Variants in PRSS23 observed in about 807,000 individuals in gnomAD.
The protein encoded by PRSS23 is serine protease 23, also known as protease, serine 23.
PRSS23 carries 25 observed loss-of-function variants against 34.7 expected under a neutral mutation model. The observed-to-expected ratio is 0.72, with a 90% CI of 0.53 to 1.01. The LOEUF (loss-of-function observed/expected upper bound fraction) is 1.01. PRSS23 is among the 50% of genes least tolerant of loss of function. PRSS23 has a pLI of 0.00. For synonymous variants in PRSS23, 176 were observed against 186.6 expected (o/e 0.94, Z 0.46); for missense variants, 445 against 475.6 (o/e 0.94, Z 0.60).
rs1383970496 is a variant in PRSS23 at position 86,861,275 on chromosome 11, A to AC, written c.206+37688dup. 2.7e-5 allele frequency among the ~76,000 whole-genome samples: 4 copies of AC among 148,220 alleles called. No individual in the cohort carries two copies. The East Asian group carries it at 6.2e-4, about 23-fold the overall frequency. On this transcript the variant is annotated intron_variant, in intron 2 of 2. Coordinates refer to the PRSS23 transcript ENST00000533902. ...ACTCTCAATGTCGCGGGGGGTGTCC[A>AC]CCCCCCTGTGATATGGTTTGTAATA...
At chr11:86,898,614 G>C (rs1167416291) in intron 2 of PRSS23, among the ~76,000 whole-genome samples, 3 of 152,162 alleles carry the variant, frequency 2.0e-5, no homozygotes, top group African/African-American at 7.2e-5. Context: ...TCCTTCATGG[G>C]TCCCTGTCCT....
chr11:86,805,788 T>C (rs1334040723), intron 1 of PRSS23, among the ~76,000 whole-genome samples: 1 of 152,242 alleles, frequency 6.6e-6, no homozygotes, highest in African/African-American at 2.4e-5. Context: ...ATTGGGATTT[T>C]CTACTTTTAT....
At chr11:86,886,667 G>A (rs937979870) in intron 2 of PRSS23, among the ~76,000 whole-genome samples, 46 of 152,186 alleles carry the variant, frequency 3.0e-4, no homozygotes, top group African/African-American at 8.0e-4. Flanking sequence ...AGCCAGGTGC[G>A]GTGGCTCATG....
At chr11:86,906,454 G>C (rs184287334) in intron 2 of PRSS23, among the ~76,000 whole-genome samples, 1 of 152,350 alleles carries the variant, frequency 6.6e-6, no homozygotes, top group African/African-American at 2.4e-5. Flanking sequence ...GCGCACCTTA[G>C]GGGCTGGAGG....
intron 1 of PRSS23, among the ~76,000 whole-genome samples, chr11:86,817,187 A>G (rs1364279298): frequency 6.6e-6 from 1 of 151,950 alleles, no homozygotes; most frequent in Non-Finnish European, 1.5e-5. Flanking sequence ...TGTTTCCCTC[A>G]TGCTTTCTAT....
At chr11:86,900,736 G>A (rs1199740285) in intron 2 of PRSS23, among the ~76,000 whole-genome samples, 1 of 150,122 alleles carries the variant, frequency 6.7e-6, no homozygotes, top group African/African-American at 2.5e-5. Flanking sequence ...GACTCTGCCT[G>A]GCTAGTACCC....
chr11:86,924,857 C>T lies in PRSS23; in HGVS notation c.207-26359C>T, dbSNP rs569127750. ...ACAGCTTCCCTCCTACCCTCTGCCT[C>T]TTCACCCCTACCTAACCGGGGTCAG... On this transcript the variant is annotated intron_variant, in intron 2 of 2. Coordinates refer to the PRSS23 transcript ENST00000533902. 3 of 152,400 alleles carry T rather than the reference C, an allele frequency of 2.0e-5. No individual in the cohort carries two copies. The South Asian group carries it at 6.2e-4, about 32-fold the overall frequency. The allele number at this position is 152,400 out of a possible 1,614,324, so 9.4% of individuals were successfully genotyped here.
At chr11:86,903,481 CTTTTT>C (rs10688682) in intron 2 of PRSS23, among the ~76,000 whole-genome samples, 2 of 124,962 alleles carry the variant, frequency 1.6e-5, no homozygotes, top group African/African-American at 6.1e-5. Flanking sequence ...AACATACAAT[CTTTTT>C]TTTTTTTTTT....
At chr11:86,823,075 T>C (rs1479134575) in intron 1 of PRSS23, among the ~76,000 whole-genome samples, 1 of 152,170 alleles carries the variant, frequency 6.6e-6, no homozygotes, top group Non-Finnish European at 1.5e-5. Flanking sequence ...GCCTGAAGGT[T>C]TGGGAGGCCC....
intron 2 of PRSS23, among the ~76,000 whole-genome samples, chr11:86,891,725 C>G (rs910815542): frequency 6.6e-6 from 1 of 152,152 alleles, no homozygotes; most frequent in Non-Finnish European, 1.5e-5. Context: ...CCCCACGTTA[C>G]AAGGGACCAG....
rs921807207 is a variant in PRSS23 at position 86,810,051 on chromosome 11, A to C, written c.*1256A>C. On this transcript the variant is annotated 3_prime_UTR_variant, in exon 2 of 2. Transcript: ENST00000280258. ...GATAAACAATTAGGTATAATAGCAA[A>C]AATGAAAATTGGAAGAATGCAAAAT... The C allele has an allele frequency of 6.0e-6, 1 of 166,728 alleles. No homozygotes were observed. Among genetic ancestry groups the C allele is most frequent in the South Asian group, 2.1e-4 (1 of 4,836 alleles). 10.3% of individuals were successfully genotyped at this position (166,728 alleles called of 1,614,324 possible). A position where few individuals can be genotyped will look rare whatever the true frequency, so the allele number is the denominator to read the frequency against.
intron 2 of PRSS23, chr11:86,949,587 GAGAA>G (rs1328342568): frequency 6.6e-6 from 1 of 152,630 alleles, no homozygotes; most frequent in Non-Finnish European, 1.5e-5. Context: ...GGCAAGGTAA[GAGAA>G]AGGCCAGTTA....
At chr11:86,838,197 CAACA>C (rs1200581868) in intron 2 of PRSS23, among the ~76,000 whole-genome samples, 3 of 152,140 alleles carry the variant, frequency 2.0e-5, no homozygotes, top group African/African-American at 7.2e-5. Flanking sequence ...AAAACCATCA[CAACA>C]ATCAACCATC....
intron 2 of PRSS23, among the ~76,000 whole-genome samples, chr11:86,887,792 C>T (rs1366252412): frequency 6.6e-6 from 1 of 152,140 alleles, no homozygotes; most frequent in Non-Finnish European, 1.5e-5. Flanking sequence ...TGGCTCATGC[C>T]TGTAAACCCA....
At chr11:86,935,136 CAG>C (rs1949152936) in intron 2 of PRSS23, 1 of 152,270 alleles carries the variant, frequency 6.6e-6, no homozygotes, top group Non-Finnish European at 1.5e-5. Context: ...CTGAAACAAA[CAG>C]AGAGGACTCC....
intron 2 of PRSS23, among the ~76,000 whole-genome samples, chr11:86,875,312 A>G (rs1193695394): frequency 6.6e-6 from 1 of 152,186 alleles, no homozygotes. Context: ...TGGAGGTTGC[A>G]GTGAGCCAAG....
chr11:86,951,443 C>G, exon 3 of PRSS23: 1 of 1,613,432 alleles, frequency 6.2e-7, no homozygotes, highest in Non-Finnish European at 8.5e-7. Context: ...TGAGAACACC[C>G]CAATCTTGAC....
chr11:86,845,146 T>C (rs1948477269), intron 2 of PRSS23, among the ~76,000 whole-genome samples: 1 of 152,150 alleles, frequency 6.6e-6, no homozygotes, highest in South Asian at 2.1e-4. Flanking sequence ...CAGCCAATTT[T>C]TGTGAACCAA....
intron 2 of PRSS23, among the ~76,000 whole-genome samples, chr11:86,882,167 G>A (rs562177839): frequency 1.3e-5 from 2 of 152,072 alleles, no homozygotes; most frequent in African/African-American, 2.4e-5. Flanking sequence ...TCTTTTTCTA[G>A]TTTCTTAAAG....
Sources: gnomAD v4.1 joint callset for allele counts (sites outside exome capture counted in the v4.1 genomes callset) on GRCh38, gnomAD v4.1.1 for gene constraint, MANE v1.5 for transcripts, NCBI Gene and HGNC (gene_info 2026-07-23, HGNC 2026-07-21) for gene names.